Variants in CUL2 observed in about 807,000 individuals in gnomAD.
CUL2 encodes the protein cullin 2.
Under a neutral mutation model 110.2 loss-of-function variants are expected in CUL2, and 22 were observed. The observed-to-expected ratio is 0.20, with a 90% CI of 0.14 to 0.28. CUL2 has a LOEUF of 0.28. CUL2 is among the 10% of genes least tolerant of loss of function. CUL2 has a pLI of 1.00. For synonymous variants in CUL2, 279 were observed against 293.2 expected (o/e 0.95, Z 0.49); for missense variants, 631 against 905.5 (o/e 0.70, Z 3.89).
At chr10:35,104,091 T>C (rs1442849388) in intron 1 of CUL2, among the ~76,000 whole-genome samples, 1 of 152,192 alleles carries the variant, frequency 6.6e-6, no homozygotes, top group East Asian at 1.9e-4. Context: ...AACACTGTTA[T>C]TGAGATAAGC....
chr10:35,024,169 C>A (rs1036808047), intron 17 of CUL2, among the ~76,000 whole-genome samples: 3 of 152,084 alleles, frequency 2.0e-5, no homozygotes, highest in Non-Finnish European at 4.4e-5. Flanking sequence ...TTGACTACCA[C>A]TAAGAGTATC....
intron 16 of CUL2, among the ~76,000 whole-genome samples, chr10:35,025,775 G>C (rs1465533862): frequency 6.6e-6 from 1 of 152,084 alleles, no homozygotes; most frequent in Non-Finnish European, 1.5e-5. Flanking sequence ...CAAAAATACA[G>C]AGTTCTTTTT....
intron 6 of CUL2, among the ~76,000 whole-genome samples, chr10:35,048,057 C>A (rs1471237983): frequency 1.3e-5 from 2 of 152,160 alleles, no homozygotes; most frequent in South Asian, 2.1e-4. Context: ...GGATGTCATG[C>A]ATGTAAAATG....
At chr10:35,029,316 G>A (rs547565343) in intron 15 of CUL2, among the ~76,000 whole-genome samples, 172 bp downstream of exon 15, 1 of 152,106 alleles carries the variant, frequency 6.6e-6, no homozygotes, top group Non-Finnish European at 1.5e-5. Context: ...TTTGGCCTCT[G>A]AAAGTGCTGG....
chr10:35,029,004 T>G, intron 15 of CUL2, 117 bp from the exon 16 acceptor site: 1 of 640,844 alleles, frequency 1.6e-6, no homozygotes, highest in Non-Finnish European at 2.7e-6. Context: ...AAAATGTTGA[T>G]GAAATCTGAG....
At position 35,016,172 on chromosome 10, in the gene CUL2, T is replaced by C; in HGVS notation, c.1887+20A>G. The C allele has an allele frequency of 6.3e-7, 1 of 1,591,964 alleles. No individual in the cohort carries two copies. Among genetic ancestry groups the C allele is most frequent in the Non-Finnish European group, 8.6e-7 (1 of 1,163,208 alleles). The stretch of plus-strand genomic sequence containing the variant: ...TTTAATGCTGATGATGCTTAAATTC[T>C]TTGGAATATTACTACATACCTTTTC... On this transcript the variant is annotated intron_variant, in intron 18 of 20. Transcript: ENST00000374749.
intron 1 of CUL2, among the ~76,000 whole-genome samples, chr10:35,103,524 C>T (rs11010091): frequency 1.3e-5 from 2 of 151,920 alleles, no homozygotes; most frequent in South Asian, 2.1e-4. Context: ...GGGGTTTCAC[C>T]GTGTCAGCCA....
chr10:35,048,582 A>G (rs548251562), intron 6 of CUL2, among the ~76,000 whole-genome samples: 39 of 152,332 alleles, frequency 2.6e-4, no homozygotes, highest in Non-Finnish European at 4.0e-4. Context: ...ATTATATTAG[A>G]ACTTAGAAGT....
intron 1 of CUL2, among the ~76,000 whole-genome samples, chr10:35,119,410 T>C (rs932516326): frequency 6.6e-6 from 1 of 152,156 alleles, no homozygotes; most frequent in Non-Finnish European, 1.5e-5. Flanking sequence ...AATTTTACCA[T>C]GTTTATCTCT....
Position 35,044,779 on chromosome 10 carries a change from G to A in CUL2, c.596C>T (p.Pro199Leu). 6.2e-7 allele frequency: 1 copy of A among 1,609,526 alleles called. No individual in the cohort carries two copies. The highest frequency in any genetic ancestry group is 1.3e-5 in the African/African-American group (1 of 74,878). Residue 199 changes from proline (P) to leucine (L), a missense_variant, in exon 7 of 21, where the codon CCC becomes CTC. Physicochemically the swap from Pro to Leu is moderately conservative, Grantham distance 98. Transcript: ENST00000374749. The stretch of plus-strand genomic sequence containing the variant: ...TTAAAGGAGGCTGTTTACCTTTAAG[G>A]GGAATTTTTTCTTATACTGTTCAAC... ...VHVEQYKKKF[P>L]LKFYQEIFES...
chr10:35,031,803 C>T lies in CUL2; in HGVS notation c.1171-184G>A, dbSNP rs1349719362. Among the ~76,000 whole-genome samples, 2 of 152,106 alleles carry T rather than the reference C, an allele frequency of 1.3e-5. No homozygotes were observed. Among genetic ancestry groups the T allele is most frequent in the Non-Finnish European group, 2.9e-5 (2 of 68,034 alleles). On this transcript the variant is annotated intron_variant, in intron 12 of 20. Transcript: ENST00000374749. The surrounding 1 kb of genome is among the most constrained non-coding windows in gnomAD (Gnocchi z 4.4). ...TGGACAAGATCATAGCTCACTGCAG[C>T]CTCAAACTCCTAGGCTCAAAGGATC...
intron 1 of CUL2, among the ~76,000 whole-genome samples, chr10:35,119,681 C>T (rs2087654487): frequency 6.6e-6 from 1 of 151,944 alleles, no homozygotes. Context: ...AGGGATCCTC[C>T]TGCCTCAGCC....
intron 1 of CUL2, chr10:35,118,780 T>G (rs1453733959): frequency 6.6e-6 from 1 of 152,270 alleles, no homozygotes; most frequent in Non-Finnish European, 1.5e-5. Flanking sequence ...TGGTTTGTGC[T>G]GCTCCACAAG....
At chr10:35,038,639 C>A (rs925795743) in intron 9 of CUL2, among the ~76,000 whole-genome samples, 1 of 149,010 alleles carries the variant, frequency 6.7e-6, no homozygotes, top group Non-Finnish European at 1.5e-5. Flanking sequence ...TGCCTTTATT[C>A]CTACTGTTTA....
intron 1 of CUL2, among the ~76,000 whole-genome samples, chr10:35,107,205 A>G (rs1475438722): frequency 6.6e-6 from 1 of 151,832 alleles, no homozygotes; most frequent in Non-Finnish European, 1.5e-5. Context: ...TGATCTCCTG[A>G]CCTCGTGATC....
intron 6 of CUL2, among the ~76,000 whole-genome samples, chr10:35,046,235 T>C (rs2085936961): frequency 6.6e-6 from 1 of 152,262 alleles, no homozygotes; most frequent in African/African-American, 2.4e-5. Flanking sequence ...CTCATTTCCT[T>C]GGCTTGGGTC....
chr10:35,037,827 A>G (rs1464132155), intron 9 of CUL2, among the ~76,000 whole-genome samples: 2 of 152,094 alleles, frequency 1.3e-5, no homozygotes, highest in African/African-American at 2.4e-5. Context: ...TGGGCCACAG[A>G]GCGGGACTCC....
chr10:35,056,560 A>C (rs1490364376), intron 4 of CUL2, among the ~76,000 whole-genome samples: 1 of 152,146 alleles, frequency 6.6e-6, no homozygotes, highest in Admixed American at 6.5e-5. Context: ...TTCCACTCCC[A>C]TTCAACATCG....
chr10:35,046,785 A>C (rs1168686481), intron 6 of CUL2, among the ~76,000 whole-genome samples: 2 of 152,090 alleles, frequency 1.3e-5, no homozygotes, highest in African/African-American at 2.4e-5. Flanking sequence ...CCAGCTGCTC[A>C]GGAGGCTGAG....
Sources: gnomAD v4.1 joint callset for allele counts (sites outside exome capture counted in the v4.1 genomes callset) on GRCh38, gnomAD v4.1.1 for gene constraint, Gnocchi (gnomAD v3.1) non-coding constraint, MANE v1.5 for transcripts, NCBI Gene and HGNC (gene_info 2026-07-23, HGNC 2026-07-21) for gene names.